The following TMEM236 variants were observed in gnomAD, a reference collection of about 807,000 sequenced individuals.
The protein encoded by TMEM236 is family with sequence similarity 23, member A.
TMEM236 carries 11 observed loss-of-function variants against 14.7 expected under a neutral mutation model. The observed-to-expected ratio is 0.75, with a 90% CI of 0.47 to 1.24. TMEM236 has a LOEUF of 1.24. TMEM236 is among the 50% of genes most tolerant of loss of function. The probability of loss-of-function intolerance (pLI) is 0.00; values close to 1 mark genes in which losing one functional copy is unlikely to be tolerated. For synonymous variants in TMEM236, 182 were observed against 168.6 expected (o/e 1.08, Z -0.62); for missense variants, 464 against 427.3 (o/e 1.09, Z -0.76).
chr10:17,782,425 A>G (rs1161162935), intron 3 of TMEM236, among the ~76,000 whole-genome samples: 1 of 151,932 alleles, frequency 6.6e-6, no homozygotes, highest in Non-Finnish European at 1.5e-5. Context: ...TATGGTGGGC[A>G]TCATTCTCAT....
intron 3 of TMEM236, among the ~76,000 whole-genome samples, chr10:17,789,220 A>G (rs2131764521): frequency 6.6e-6 from 1 of 152,280 alleles, no homozygotes; most frequent in South Asian, 2.1e-4. Context: ...AAATATAAGA[A>G]ACTCATGATC....
At chr10:17,772,974 G>A (rs1554834932) in intron 2 of TMEM236, among the ~76,000 whole-genome samples, 1 of 152,134 alleles carries the variant, frequency 6.6e-6, no homozygotes, top group Non-Finnish European at 1.5e-5. Context: ...ATGGTTGTGA[G>A]GGTCATTCCT....
chr10:17,773,064 T>G (rs1232211305), intron 2 of TMEM236, among the ~76,000 whole-genome samples: 1 of 152,244 alleles, frequency 6.6e-6, no homozygotes, highest in African/African-American at 2.4e-5. Context: ...TTTACTTATC[T>G]GTTCTACTCT....
intron 3 of TMEM236, among the ~76,000 whole-genome samples, chr10:17,778,641 C>T (rs1837696381): frequency 6.6e-6 from 1 of 152,160 alleles, no homozygotes; most frequent in African/African-American, 2.4e-5. Context: ...GTTCTTTGCT[C>T]TTTCCAGATA....
chr10:17,768,085 G>GTTTTTTTTTTTTTTTTTTTTT lies in TMEM236; in HGVS notation c.258-3224_258-3223insTTTTTTTTTTTTTTTTTTTTT, dbSNP rs1181734908. ...ACCACCACACCTCGCTAATTTTTGT[G>GTTTTTTTTTTTTTTTTTTTTT]GTTTTTTTTTTTTTTTTTTTTTTGT... On this transcript the variant is annotated intron_variant, in intron 1 of 3. Transcript: ENST00000377495. Among the ~76,000 whole-genome samples, 157 of 98,812 alleles carry GTTTTTTTTTTTTTTTTTTTTT rather than the reference G, an allele frequency of 1.6e-3. 27 individuals are homozygous for GTTTTTTTTTTTTTTTTTTTTT. The highest frequency in any genetic ancestry group is 6.3e-3 in the East Asian group (24 of 3,814). 64.8% of individuals were successfully genotyped at this position (98,812 alleles called of 152,430 possible).
intron 3 of TMEM236, among the ~76,000 whole-genome samples, chr10:17,778,989 A>G (rs1837702331): frequency 6.6e-6 from 1 of 152,180 alleles, no homozygotes; most frequent in Non-Finnish European, 1.5e-5. Context: ...AGAGCAGTGC[A>G]TGGGAGCATT....
At chr10:17,782,624 G>C (rs1289929265) in intron 3 of TMEM236, among the ~76,000 whole-genome samples, 2 of 151,886 alleles carry the variant, frequency 1.3e-5, no homozygotes, top group African/African-American at 2.4e-5. Context: ...TCTAATTTTT[G>C]TATTTTTAGT....
chr10:17,781,224 G>T (rs1028710389), intron 3 of TMEM236, among the ~76,000 whole-genome samples: 1 of 152,126 alleles, frequency 6.6e-6, no homozygotes, highest in Admixed American at 6.5e-5. Context: ...TGATTTGGGA[G>T]TGCTTTTCAT....
chr10:17,769,663 T>C (rs887068950), intron 1 of TMEM236, among the ~76,000 whole-genome samples: 7 of 152,282 alleles, frequency 4.6e-5, no homozygotes, highest in South Asian at 2.1e-4. Flanking sequence ...AAGCTACCAG[T>C]TGAAAATTCC....
intron 1 of TMEM236, among the ~76,000 whole-genome samples, chr10:17,769,854 G>C (rs987927833): frequency 2.6e-5 from 4 of 152,124 alleles, no homozygotes; most frequent in Non-Finnish European, 5.9e-5. Flanking sequence ...TTGTATTTTA[G>C]ATTCAGGAGG....
At chr10:17,763,769 A>G (rs1837414573) in intron 1 of TMEM236, among the ~76,000 whole-genome samples, 1 of 152,202 alleles carries the variant, frequency 6.6e-6, no homozygotes, top group Non-Finnish European at 1.5e-5. Flanking sequence ...AGAAAGGAGC[A>G]GGTGGTGAGA....
chr10:17,752,269 G>A lies in TMEM236; in HGVS notation c.-27G>A. The A allele has an allele frequency of 1.2e-6, 2 of 1,613,928 alleles. No homozygotes were observed. Among genetic ancestry groups the A allele is most frequent in the East Asian group, 2.2e-5 (1 of 44,870 alleles). On this transcript the variant is annotated 5_prime_UTR_variant, in exon 1 of 4. Coordinates refer to ENST00000377495, the MANE Select transcript of TMEM236 (RefSeq NM_001098844.3). ...CCCACAGTCAAAGAGGGAGTCCCAG[G>A]TTCTTGGCAGCTTGCTTTTCCTCAG...
In TMEM236 at chr10:17,780,714, C is replaced by T. The variant is rs1161368392; in HGVS notation, c.472+4544C>T. Among the ~76,000 whole-genome samples the T allele has an allele frequency of 5.9e-5, 9 of 152,150 alleles. No individual in the cohort carries two copies. The East Asian group carries it at 1.6e-3, about 26-fold the overall frequency. The stretch of plus-strand genomic sequence containing the variant: ...TTGTCTGGGGTAGATACCCAAGGTT[C>T]GTCATCTTGTGCCAAGAAGATTAAG... On this transcript the variant is annotated intron_variant, in intron 3 of 3. Transcript: ENST00000377495.
chr10:17,768,229 G>A lies in TMEM236; in HGVS notation c.258-3080G>A, dbSNP rs1051277117. Among the ~76,000 whole-genome samples the A allele has an allele frequency of 8.9e-4, 135 of 151,104 alleles. 1 individual carries two copies. Among genetic ancestry groups the A allele is most frequent in the Non-Finnish European group, 1.6e-3 (110 of 67,864 alleles). Reference sequence around the variant, plus strand: ...AGGCATGAGCCACCAGGCCTGGCCTGCTTCAAAGAAAATAAAAAAAAGACA... The same window carrying A: ...AGGCATGAGCCACCAGGCCTGGCCTACTTCAAAGAAAATAAAAAAAAGACA... On this transcript the variant is annotated intron_variant, in intron 1 of 3. Coordinates refer to ENST00000377495, the MANE Select transcript of TMEM236 (RefSeq NM_001098844.3).
intron 1 of TMEM236, among the ~76,000 whole-genome samples, chr10:17,765,915 C>T (rs1231054542): frequency 6.6e-6 from 1 of 152,302 alleles, no homozygotes; most frequent in Admixed American, 6.5e-5. Context: ...AGCCAAATAG[C>T]TCCATCAACC....
chr10:17,765,528 A>G (rs1837448645), intron 1 of TMEM236, among the ~76,000 whole-genome samples: 1 of 152,196 alleles, frequency 6.6e-6, no homozygotes, highest in Non-Finnish European at 1.5e-5. Context: ...TCCATCTGCA[A>G]ACCTGTGAAG....
chr10:17,795,933 G>A lies in TMEM236; in HGVS notation c.485G>A (p.Gly162Glu). Residue 162 changes from glycine (G) to glutamate (E), a missense_variant, in exon 4 of 4, where the codon GGA (glycine) becomes GAA (glutamate). Coordinates refer to ENST00000377495, the MANE Select transcript of TMEM236 (RefSeq NM_001098844.3). ...CTGTTAATTGCAGGTAGTGAAAATG[G>A]ACACATCCATTCAACCTCTTTGCAA... Reference protein sequence around the residue: ...LRGSQKSSENGHIHSTSLQHI... With the variant: ...LRGSQKSSENEHIHSTSLQHI... 1.2e-6 allele frequency: 2 copies of A among 1,613,836 alleles called. No individual in the cohort carries two copies. Among genetic ancestry groups the A allele is most frequent in the Non-Finnish European group, 1.7e-6 (2 of 1,179,838 alleles).
chr10:17,781,476 G>T (rs1471057561), intron 3 of TMEM236, among the ~76,000 whole-genome samples: 1 of 151,982 alleles, frequency 6.6e-6, no homozygotes, highest in Non-Finnish European at 1.5e-5. Flanking sequence ...GGTGGCTCAC[G>T]CCTGTAATCC....
intron 3 of TMEM236, among the ~76,000 whole-genome samples, chr10:17,791,427 C>T (rs1385935182): frequency 5.3e-5 from 8 of 152,224 alleles, no homozygotes; most frequent in South Asian, 2.1e-4. Flanking sequence ...CACTGTACTC[C>T]GGTCTGGGCA....
Sources: allele counts gnomAD v4.1 joint callset (sites outside exome capture counted in the v4.1 genomes callset), GRCh38; gene constraint gnomAD v4.1.1; transcripts MANE v1.5; gene names NCBI Gene and HGNC (gene_info 2026-07-23, HGNC 2026-07-21).